Variants in HLCS observed in about 807,000 individuals in gnomAD.
The protein encoded by HLCS is biotin--protein ligase.
HLCS carries 53 observed loss-of-function variants against 75.0 expected under a neutral mutation model. The ratio of observed to expected loss-of-function variants is 0.71; its 90% CI spans 0.57 to 0.89. HLCS has a LOEUF of 0.89. Ranked by LOEUF, HLCS falls within the 40% of genes least tolerant of loss-of-function variation. The probability of loss-of-function intolerance (pLI) is 0.00; values close to 1 mark genes in which losing one functional copy is unlikely to be tolerated. For missense variants in HLCS, 966 were observed against 1,074.0 expected, an observed-to-expected ratio of 0.90 and a Z score of 1.41; for synonymous variants, 431 against 428.6, an observed-to-expected ratio of 1.01 and a Z score of -0.07.
chr21:36,834,889 C>A (rs978466016), intron 6 of HLCS, among the ~76,000 whole-genome samples: 11 of 152,280 alleles, frequency 7.2e-5, no homozygotes, highest in Non-Finnish European at 1.3e-4. Flanking sequence ...ATTCTGAGGT[C>A]AAAAATACAT....
intron 1 of HLCS, among the ~76,000 whole-genome samples, chr21:36,978,510 A>AAC (rs1234777999): frequency 6.6e-6 from 1 of 151,814 alleles, no homozygotes. Flanking sequence ...AAAAAAAAAA[A>AAC]AGAAAATTAA....
intron 6 of HLCS, among the ~76,000 whole-genome samples, chr21:36,845,776 TATCACAGGCATCAAAATGGCC>T (rs2062777656): frequency 6.6e-6 from 1 of 152,150 alleles, no homozygotes; most frequent in Non-Finnish European, 1.5e-5. Flanking sequence ...AAAGTCCAAG[TATCACAGGCATCAAAATGGCC>T]TCCTCTGGGA....
At chr21:36,957,702 G>A (rs1329830292) in intron 2 of HLCS, among the ~76,000 whole-genome samples, 1 of 152,176 alleles carries the variant, frequency 6.6e-6, no homozygotes, top group Non-Finnish European at 1.5e-5. Context: ...TTGGGAGGCA[G>A]AGGCAGGCGG....
intron 6 of HLCS, among the ~76,000 whole-genome samples, chr21:36,811,563 A>G (rs1601353433): frequency 6.6e-6 from 1 of 152,236 alleles, no homozygotes; most frequent in African/African-American, 2.4e-5. Flanking sequence ...CTGCAATGTT[A>G]GAAAACAAGC....
intron 5 of HLCS, among the ~76,000 whole-genome samples, chr21:36,899,617 C>G (rs1173837496): frequency 6.6e-6 from 1 of 152,062 alleles, no homozygotes; most frequent in Admixed American, 6.6e-5. Context: ...AGCAAAACTG[C>G]ATCTCAAATA....
intron 6 of HLCS, among the ~76,000 whole-genome samples, chr21:36,805,445 C>A (rs1242909479): frequency 1.3e-5 from 2 of 152,196 alleles, no homozygotes; most frequent in African/African-American, 2.4e-5. Flanking sequence ...AAGGACATGA[C>A]CTCCCCAGCT....
chr21:36,832,523 G>GAC (rs1457853138), intron 6 of HLCS, among the ~76,000 whole-genome samples: 1 of 152,192 alleles, frequency 6.6e-6, no homozygotes. Context: ...GCACATGCCA[G>GAC]ACACAGTTCT....
At position 36,806,511 on chromosome 21, in the gene HLCS, C is replaced by T. The variant is rs564723271; in HGVS notation, c.1893-39226G>A. ...GAAATGAAAGGTGACGGTCAGTGTG[C>T]TATCTTTTGACCGCACAGCAAAAAA... is the stretch of plus-strand genomic sequence containing the variant. On this transcript the variant is annotated intron_variant, in intron 6 of 10. Transcript: ENST00000674895. Among the ~76,000 whole-genome samples, 7 of 152,230 alleles carry T rather than the reference C, an allele frequency of 4.6e-5. No individual in the cohort carries two copies. In the East Asian group the frequency reaches 1.4e-3, roughly 29 times the overall value.
At chr21:36,827,817 C>T (rs1393526684) in intron 6 of HLCS, among the ~76,000 whole-genome samples, 2 of 138,836 alleles carry the variant, frequency 1.4e-5, no homozygotes, top group Non-Finnish European at 3.1e-5. Flanking sequence ...TTCTTTCTTT[C>T]TTTTTTTTTT....
At chr21:36,930,711 C>T (rs2146495092) in intron 4 of HLCS, among the ~76,000 whole-genome samples, 1 of 152,222 alleles carries the variant, frequency 6.6e-6, no homozygotes, top group East Asian at 1.9e-4. Context: ...CATAGCTTTG[C>T]TCTCCTCTGA....
chr21:36,812,526 G>A (rs2061542582), intron 6 of HLCS, among the ~76,000 whole-genome samples: 1 of 152,070 alleles, frequency 6.6e-6, no homozygotes. Context: ...TCATTTTTAT[G>A]AGTCTTTGTA....
chr21:36,966,458 C>A lies in HLCS; in HGVS notation c.181G>T (p.Val61Phe), dbSNP rs1478959185. 3.5e-6 allele frequency: 2 copies of A among 563,508 alleles called. No homozygotes were observed. Among genetic ancestry groups the A allele is most frequent in the African/African-American group, 4.2e-5 (2 of 47,492 alleles). 34.9% of individuals were successfully genotyped at this position (563,508 alleles called of 1,614,324 possible). The change falls in exon 1 of 11, where the codon GTC becomes TTC. Residue 61 changes from valine (V) to phenylalanine (F), a missense_variant. Physicochemically the swap from Val to Phe is conservative, Grantham distance 50. Transcript: ENST00000674895. ...GACCCGCCCACCTGGCTGTCGCTGA[C>A]GCAGAAGACGCGGCCGCCACGGCTC... ...CLSRGGRVFCVSDSQSIEDLN... is the reference protein window; with the variant it reads ...CLSRGGRVFCFSDSQSIEDLN...
rs1315589368 is a variant in HLCS, at chr21:36,888,475, T to A, written c.1892+8385A>T. On this transcript the variant is annotated intron_variant, in intron 6 of 10. Coordinates refer to ENST00000674895, the MANE Select transcript of HLCS (RefSeq NM_001352514.2). ...ATATATATATATATATATATATATA[T>A]ATATATATATATATATATATATTTA... Among the ~76,000 whole-genome samples the A allele has an allele frequency of 1.2e-3, 157 of 126,006 alleles. 6 individuals are homozygous for A. Among genetic ancestry groups the A allele is most frequent in the African/African-American group, 4.5e-3 (141 of 31,360 alleles). 82.7% of individuals were successfully genotyped at this position (126,006 alleles called of 152,430 possible).
intron 5 of HLCS, among the ~76,000 whole-genome samples, chr21:36,923,826 A>G (rs1569198554): frequency 6.6e-6 from 1 of 152,222 alleles, no homozygotes; most frequent in Admixed American, 6.5e-5. Context: ...ATTATGTTTG[A>G]TAACAGGAAG....
intron 6 of HLCS, among the ~76,000 whole-genome samples, chr21:36,843,060 C>T (rs1359621097): frequency 3.9e-5 from 6 of 152,222 alleles, no homozygotes; most frequent in East Asian, 1.9e-4. Context: ...GTAAAAGACA[C>T]GCCACAGGAT....
At chr21:36,967,373 G>A (rs867956272), upstream of HLCS, among the ~76,000 whole-genome samples, 3 of 152,144 alleles carry the variant, frequency 2.0e-5, no homozygotes, top group African/African-American at 7.2e-5. Context: ...CACCAAGAAG[G>A]CTGCCTCTAA....
At chr21:36,792,267 C>G (rs2060889914) in intron 6 of HLCS, among the ~76,000 whole-genome samples, 1 of 152,104 alleles carries the variant, frequency 6.6e-6, no homozygotes, top group Non-Finnish European at 1.5e-5. Context: ...TTCTGTCACA[C>G]AGCAGGAGAA....
At chr21:36,909,385 A>G (rs2065604206) in intron 5 of HLCS, among the ~76,000 whole-genome samples, 1 of 152,238 alleles carries the variant, frequency 6.6e-6, no homozygotes, top group South Asian at 2.1e-4. Context: ...CCTATGCAAC[A>G]TTAAACAATA....
At chr21:36,913,591 T>C (rs2065810382) in intron 5 of HLCS, among the ~76,000 whole-genome samples, 1 of 152,046 alleles carries the variant, frequency 6.6e-6, no homozygotes, top group African/African-American at 2.4e-5. Flanking sequence ...TGAAACTCCG[T>C]CTCTACTAAA....
Sources: allele counts gnomAD v4.1 joint callset (sites outside exome capture counted in the v4.1 genomes callset), GRCh38; gene constraint gnomAD v4.1.1; transcripts MANE v1.5; gene names NCBI Gene and HGNC (gene_info 2026-07-23, HGNC 2026-07-21).